The following TMEM132C variants were observed in gnomAD, a reference collection of about 807,000 sequenced individuals.
TMEM132C encodes transmembrane protein 132C.
A neutral mutation model predicts 61.4 loss-of-function variants in TMEM132C; 29 were observed. The observed-to-expected ratio is 0.47, with a 90% CI of 0.35 to 0.64. TMEM132C has a LOEUF of 0.64. Ranked by LOEUF, TMEM132C falls within the 30% of genes least tolerant of loss-of-function variation. TMEM132C has a pLI of 0.00. For synonymous variants in TMEM132C, 656 were observed against 633.1 expected, an observed-to-expected ratio of 1.04 and a Z score of -0.54; for missense variants, 1,408 against 1,476.9, an observed-to-expected ratio of 0.95 and a Z score of 0.76.
chr12:128,500,330 A>T (rs1872125049), intron 2 of TMEM132C, among the ~76,000 whole-genome samples: 1 of 152,234 alleles, frequency 6.6e-6, no homozygotes, highest in Admixed American at 6.5e-5. Context: ...GCAACAAAAG[A>T]TAAAATAGAT....
In TMEM132C at chr12:128,315,999, A is replaced by C. The variant is rs1334317720; in HGVS notation, c.85+48512A>C. Among the ~76,000 whole-genome samples the C allele has an allele frequency of 1.7e-4, 26 of 151,972 alleles. 1 individual carries two copies. The highest frequency in any genetic ancestry group is 1.5e-3 in the Admixed American group (23 of 15,234). ...TTGGCCCCCAGAATAGTGAGAGAAT[A>C]AATTCCTGTTGTTCTAAGTCACCCA... On this transcript the variant is annotated intron_variant, in intron 1 of 8. Coordinates refer to ENST00000435159, the MANE Select transcript of TMEM132C (RefSeq NM_001136103.3).
chr12:128,632,548 T>C (rs1308962104), intron 4 of TMEM132C, among the ~76,000 whole-genome samples: 2 of 152,218 alleles, frequency 1.3e-5, no homozygotes, highest in African/African-American at 4.8e-5. Flanking sequence ...GGTAAAATTG[T>C]GCGCTTAAAG....
chr12:128,506,249 G>A (rs1872355452), intron 2 of TMEM132C, among the ~76,000 whole-genome samples: 1 of 152,210 alleles, frequency 6.6e-6, no homozygotes, highest in African/African-American at 2.4e-5. Context: ...GCCAGCCTCA[G>A]CATCATCTGC....
chr12:128,488,980 G>T (rs957311603), intron 2 of TMEM132C, among the ~76,000 whole-genome samples: 3 of 152,128 alleles, frequency 2.0e-5, no homozygotes, highest in South Asian at 4.1e-4. Context: ...CAAGAAAAAA[G>T]TTTTTATCCA....
rs1167100916 is a variant in TMEM132C, at chr12:128,597,317, T to TA, written c.1122-18824dup. ...CAACATGGTGAAACCCCATCTCTACTAAAAAAAAAAATTAACCGGGTATGG... is the reference window on the plus strand; with the variant it reads ...CAACATGGTGAAACCCCATCTCTACTAAAAAAAAAAAATTAACCGGGTATGG... On this transcript the variant is annotated intron_variant, in intron 3 of 8. Transcript: ENST00000435159. Among the ~76,000 whole-genome samples, 1,039 of 146,752 alleles carry TA rather than the reference T, an allele frequency of 7.1e-3. 8 individuals are homozygous for TA. The highest frequency in any genetic ancestry group is 0.024 in the African/African-American group (974 of 40,162).
Position 128,706,195 on chromosome 12 carries a change from G to A in TMEM132C, c.3227G>A (p.Ser1076Asn). Reference protein sequence around the residue: ...DSCPTVNSIVSSNDEDIKWVC... With the variant: ...DSCPTVNSIVNSNDEDIKWVC... ...TGCCCCACGGTGAACTCCATCGTCA[G>A]CAGCAATGATGAGGACATCAAATGG... The change falls in exon 9 of 9, where the codon AGC becomes AAC. Residue 1076 changes from serine to asparagine, a missense_variant. Physicochemically the swap from Ser to Asn is conservative, Grantham distance 46. Coordinates refer to ENST00000435159, the MANE Select transcript of TMEM132C (RefSeq NM_001136103.3). 1 of 1,551,794 alleles carries A rather than the reference G, an allele frequency of 6.4e-7. No homozygotes were observed. The highest frequency in any genetic ancestry group is 1.2e-5 in the South Asian group (1 of 84,060).
In TMEM132C at chr12:128,415,307, C is replaced by G. The variant is rs770103092; in HGVS notation, c.661C>G (p.Pro221Ala). Residue 221 changes from proline to alanine, a missense_variant, in exon 2 of 9, where the codon CCG (proline) becomes GCG (alanine). Coordinates refer to ENST00000435159, the MANE Select transcript of TMEM132C (RefSeq NM_001136103.3). The surrounding 1 kb of genome is among the most constrained non-coding windows in gnomAD (Gnocchi z 5.8). ...GAGRKKSMDQ[P>A]EGTPVELYYT... ...CGGGAGGAAGAAGTCCATGGACCAG[C>G]CGGAGGGGACCCCTGTGGAGCTCTA... The G allele has an allele frequency of 2.1e-5, 34 of 1,593,446 alleles. No homozygotes were observed. Among genetic ancestry groups the G allele is most frequent in the Non-Finnish European group, 2.8e-5 (33 of 1,169,486 alleles).
At chr12:128,482,137 A>G (rs113537334) in intron 2 of TMEM132C, among the ~76,000 whole-genome samples, 1 of 152,172 alleles carries the variant, frequency 6.6e-6, no homozygotes, top group Non-Finnish European at 1.5e-5. Flanking sequence ...CCTTTTCTGC[A>G]TCTTTTGAGA....
intron 3 of TMEM132C, among the ~76,000 whole-genome samples, chr12:128,549,656 G>A (rs1052645207): frequency 2.6e-5 from 4 of 152,110 alleles, no homozygotes; most frequent in South Asian, 4.2e-4. Flanking sequence ...CACACCTGGC[G>A]AATGATGAAC....
At chr12:128,671,442 C>T (rs1271552583) in intron 5 of TMEM132C, among the ~76,000 whole-genome samples, 1 of 152,184 alleles carries the variant, frequency 6.6e-6, no homozygotes. Flanking sequence ...TTTCTGTAAA[C>T]CCTGGAAACA....
chr12:128,388,624 G>A (rs909561188), intron 1 of TMEM132C, among the ~76,000 whole-genome samples: 1 of 152,224 alleles, frequency 6.6e-6, no homozygotes, highest in African/African-American at 2.4e-5. Flanking sequence ...ACTGGGCTGG[G>A]AGCATGTGTT....
rs1872830385 is a variant in TMEM132C, at chr12:128,519,522, GA to G, written c.975-24429del. Among the ~76,000 whole-genome samples the G allele has an allele frequency of 2.6e-5, 4 of 152,130 alleles. No homozygotes were observed. The South Asian group carries it at 8.3e-4, about 32-fold the overall frequency. ...TACAAGGCATGTGTCCAGGCTAAAG[GA>G]AAAAATGGCCCTTCCTTATGTCCTT... On this transcript the variant is annotated intron_variant, in intron 2 of 8. Transcript: ENST00000435159.
At chr12:128,285,019 C>G (rs532087788) in intron 1 of TMEM132C, among the ~76,000 whole-genome samples, 1 of 152,030 alleles carries the variant, frequency 6.6e-6, no homozygotes, top group Non-Finnish European at 1.5e-5. Context: ...TGGTGAGTGC[C>G]TTTAGTCCCA....
intron 3 of TMEM132C, among the ~76,000 whole-genome samples, chr12:128,573,913 G>C (rs199997969): frequency 4.4e-5 from 4 of 91,162 alleles, no homozygotes; most frequent in African/African-American, 1.5e-4. Flanking sequence ...AAAAAAAAAA[G>C]AGAGTGGTGA....
chr12:128,321,978 A>T (rs540732225), intron 1 of TMEM132C, among the ~76,000 whole-genome samples: 2 of 152,328 alleles, frequency 1.3e-5, no homozygotes, highest in South Asian at 4.1e-4. Context: ...AAGTGCCAGA[A>T]TGTATCTCCC....
intron 5 of TMEM132C, among the ~76,000 whole-genome samples, chr12:128,677,705 C>G (rs528970951): frequency 6.6e-6 from 1 of 152,336 alleles, no homozygotes; most frequent in African/African-American, 2.4e-5. Context: ...CTCCTGCAGC[C>G]ATGGGTTGCT....
At chr12:128,620,721 T>A (rs1953956374) in intron 4 of TMEM132C, among the ~76,000 whole-genome samples, 1 of 152,132 alleles carries the variant, frequency 6.6e-6, no homozygotes, top group African/African-American at 2.4e-5. Flanking sequence ...TTTCAAATCA[T>A]TGCCATTTTT....
intron 3 of TMEM132C, among the ~76,000 whole-genome samples, chr12:128,547,204 C>T (rs866768517): frequency 5.9e-5 from 9 of 152,230 alleles, no homozygotes; most frequent in East Asian, 5.8e-4. Flanking sequence ...GTGAGGGTTG[C>T]GCAGTCAAGT....
chr12:128,572,487 G>A (rs1419154181), intron 3 of TMEM132C, among the ~76,000 whole-genome samples: 10 of 151,664 alleles, frequency 6.6e-5, no homozygotes, highest in Admixed American at 2.6e-4. Context: ...GATTGGCTGG[G>A]CCTGCGTCAC....
Sources: gnomAD v4.1 joint callset for allele counts (sites outside exome capture counted in the v4.1 genomes callset) on GRCh38, gnomAD v4.1.1 for gene constraint, Gnocchi (gnomAD v3.1) non-coding constraint, MANE v1.5 for transcripts, NCBI Gene and HGNC (gene_info 2026-07-23, HGNC 2026-07-21) for gene names.